Variants in EIF2S2 observed in about 807,000 individuals in gnomAD.
EIF2S2 encodes the protein eukaryotic translation initiation factor 2 subunit 2.
In EIF2S2, 4 loss-of-function variants were observed where a neutral mutation model predicts 44.0. The observed-to-expected ratio is 0.09, with a 90% CI of 0.04 to 0.21. The LOEUF is 0.21. Ranked by LOEUF, EIF2S2 falls within the 10% of genes least tolerant of loss-of-function variation. The pLI is 1.00. For synonymous variants in EIF2S2, 108 were observed against 128.3 expected, an observed-to-expected ratio of 0.84 and a Z score of 1.07; for missense variants, 154 against 392.0, an observed-to-expected ratio of 0.39 and a Z score of 5.13.
chr20:34,103,705 T>G, intron 2 of EIF2S2, 140 bp from the exon 3 acceptor site: 1 of 1,266,756 alleles, frequency 7.9e-7, no homozygotes, highest in Non-Finnish European at 1.0e-6. Flanking sequence ...ACAAAACTTA[T>G]GGTTCTTTTT....
chr20:34,098,821 C>T (rs1314588924), intron 3 of EIF2S2, among the ~76,000 whole-genome samples, 188 bp from the exon 4 acceptor site: 1 of 152,202 alleles, frequency 6.6e-6, no homozygotes, highest in African/African-American at 2.4e-5. Context: ...AGCCACCACA[C>T]CCAGCCTGTT....
At chr20:34,096,631 T>C in intron 6 of EIF2S2, 26 bp downstream of exon 6, 1 of 1,563,838 alleles carries the variant, frequency 6.4e-7, no homozygotes, top group Non-Finnish European at 8.6e-7. Flanking sequence ...GCATTTGGGA[T>C]GAAGGTACTC....
At chr20:34,106,881 T>C (rs2034355508) in intron 1 of EIF2S2, among the ~76,000 whole-genome samples, 1 of 152,128 alleles carries the variant, frequency 6.6e-6, no homozygotes, top group Non-Finnish European at 1.5e-5. Flanking sequence ...AGACACCTGA[T>C]AGAGTAGAAA....
chr20:34,098,906 A>AT (rs1261530947), intron 3 of EIF2S2, among the ~76,000 whole-genome samples: 1 of 152,218 alleles, frequency 6.6e-6, no homozygotes, highest in African/African-American at 2.4e-5. Flanking sequence ...GAAGTTACAG[A>AT]TAAGAAACGC....
intron 1 of EIF2S2, among the ~76,000 whole-genome samples, chr20:34,111,524 G>A (rs1050541606): frequency 1.3e-5 from 2 of 152,224 alleles, no homozygotes; most frequent in African/African-American, 4.8e-5. Flanking sequence ...AACTTTCCGG[G>A]AAGGTCAGTC....
intron 1 of EIF2S2, among the ~76,000 whole-genome samples, chr20:34,106,083 A>G (rs1374389306): frequency 2.0e-5 from 3 of 152,108 alleles, no homozygotes; most frequent in East Asian, 1.9e-4. Context: ...TACCATGCCC[A>G]GCTAATTTTT....
At chr20:34,103,872 A>T (rs2034320803) in intron 2 of EIF2S2, among the ~76,000 whole-genome samples, 1 of 151,926 alleles carries the variant, frequency 6.6e-6, no homozygotes, top group Non-Finnish European at 1.5e-5. Context: ...ATGCCCAGCA[A>T]ATTTTTTGTA....
rs150361000 is a variant in EIF2S2 at position 34,101,957 on chromosome 20, G to C, written c.297+1505C>G. Among the ~76,000 whole-genome samples, 24 of 152,276 alleles carry C rather than the reference G, an allele frequency of 1.6e-4. No individual in the cohort carries two copies. In the East Asian group the frequency reaches 4.6e-3, roughly 29 times the overall value. The stretch of plus-strand genomic sequence containing the variant: ...CCCAAAGTGCTGGGATTACAGGCAT[G>C]AGACAGCACGTCCAGTCTGCAAAAA... On this transcript the variant is annotated intron_variant, in intron 3 of 8. Coordinates refer to ENST00000374980, the MANE Select transcript of EIF2S2 (RefSeq NM_003908.5).
Position 34,088,385 on chromosome 20 carries a change from A to C in EIF2S2, c.*1345T>G, listed in dbSNP as rs142545771. On this transcript the variant is annotated 3_prime_UTR_variant, in exon 9 of 9. Coordinates refer to ENST00000374980, the MANE Select transcript of EIF2S2 (RefSeq NM_003908.5). ...TGGGAATCGTGTGGGTGTAGATACA[A>C]AAAAAGGAAAATGGGGGCATAAACA... The C allele has an allele frequency of 7.0e-4, 106 of 151,062 alleles. 1 individual carries two copies. The highest frequency in any genetic ancestry group is 2.3e-3 in the African/African-American group (92 of 40,096). 9.4% of individuals were successfully genotyped at this position (151,062 alleles called of 1,614,324 possible).
intron 7 of EIF2S2, 130 bp from the exon 8 acceptor site, chr20:34,090,732 T>C (rs966397632): frequency 3.4e-5 from 17 of 494,424 alleles, no homozygotes; most frequent in African/African-American, 2.4e-4. Context: ...ACTGGTGCTA[T>C]ACTACTTGGT....
intron 2 of EIF2S2, 68 bp from the exon 3 acceptor site, chr20:34,103,633 A>G (rs1210591561): frequency 1.4e-5 from 20 of 1,433,892 alleles, no homozygotes; most frequent in Non-Finnish European, 1.7e-5. Context: ...TTACACAAAC[A>G]TAGTTCAGCA....
At chr20:34,091,297 GT>G (rs908020436) in intron 7 of EIF2S2, among the ~76,000 whole-genome samples, 1 of 152,180 alleles carries the variant, frequency 6.6e-6, no homozygotes, top group Non-Finnish European at 1.5e-5. Context: ...GGCTACGTTT[GT>G]TTTTTAAAAT....
At chr20:34,110,012 A>T (rs1332354946) in intron 1 of EIF2S2, among the ~76,000 whole-genome samples, 2 of 150,256 alleles carry the variant, frequency 1.3e-5, no homozygotes, top group African/African-American at 2.5e-5. Flanking sequence ...GAGGCAGGAG[A>T]ATTGCTTGAA....
chr20:34,102,768 A>C (rs1176848137), intron 3 of EIF2S2, among the ~76,000 whole-genome samples: 7 of 152,258 alleles, frequency 4.6e-5, no homozygotes, highest in Middle Eastern at 3.4e-3. Context: ...GATTCTGCTA[A>C]AGTGATTCCT....
intron 3 of EIF2S2, among the ~76,000 whole-genome samples, chr20:34,100,787 A>G (rs995041880): frequency 3.3e-5 from 5 of 152,166 alleles, no homozygotes; most frequent in African/African-American, 9.7e-5. Flanking sequence ...ATGGAATGGA[A>G]ACAAAGTAAA....
In EIF2S2 at chr20:34,089,913, T is replaced by TA. The variant is rs755477506; in HGVS notation, c.827-9dup. ...GACAAGTGACATATTCCTCTGCAAA[T>TA]AAAGCAACACACAGAATTACCTGGT... On this transcript the variant is annotated splice_polypyrimidine_tract_variant and intron_variant, in intron 8 of 8. Coordinates refer to ENST00000374980, the MANE Select transcript of EIF2S2 (RefSeq NM_003908.5). 2 of 1,606,886 alleles carry TA rather than the reference T, an allele frequency of 1.2e-6. No homozygotes were observed. The highest frequency in any genetic ancestry group is 1.7e-6 in the Non-Finnish European group (2 of 1,175,964).
At chr20:34,097,334 G>T in intron 5 of EIF2S2, 82 bp downstream of exon 5, 1 of 1,187,036 alleles carries the variant, frequency 8.4e-7, no homozygotes, top group Non-Finnish European at 1.2e-6. Context: ...TACTTCAACG[G>T]CCGTTCCAAT....
chr20:34,097,977 GGCTCACACCTGTAATCCCA>G (rs1437188621), intron 4 of EIF2S2, among the ~76,000 whole-genome samples: 1 of 152,142 alleles, frequency 6.6e-6, no homozygotes, highest in Non-Finnish European at 1.5e-5. Context: ...CGGGCGCTGT[GGCTCACACCTGTAATCCCA>G]GCACTTTGGG....
At chr20:34,106,084 G>A (rs559679570) in intron 1 of EIF2S2, among the ~76,000 whole-genome samples, 20 of 152,064 alleles carry the variant, frequency 1.3e-4, no homozygotes, top group Non-Finnish European at 2.2e-4. Flanking sequence ...ACCATGCCCA[G>A]CTAATTTTTT....
Sources: gnomAD v4.1 joint callset for allele counts (sites outside exome capture counted in the v4.1 genomes callset) on GRCh38, gnomAD v4.1.1 for gene constraint, MANE v1.5 for transcripts, NCBI Gene and HGNC (gene_info 2026-07-23, HGNC 2026-07-21) for gene names.